The following AHNAK2 variants were observed in gnomAD, a reference collection of about 807,000 sequenced individuals.
The protein encoded by AHNAK2 is AHNAK nucleoprotein 2, also known as protein AHNAK2.
Under a neutral mutation model 30.7 loss-of-function variants are expected in AHNAK2, and 18 were observed. The observed-to-expected ratio is 0.59, with a 90% CI of 0.41 to 0.87. The LOEUF (loss-of-function observed/expected upper bound fraction) is 0.87, where lower values mean the gene tolerates loss of function less well. Among genes scored for constraint, AHNAK2 ranks in the 40% least tolerant of loss-of-function variants. The pLI is 0.00. For synonymous variants in AHNAK2, 3,590 were observed against 3,073.8 expected (o/e 1.17, Z -5.56); for missense variants, 8,604 against 7,373.0 (o/e 1.17, Z -6.11).
chr14:104,945,039 C>T lies in AHNAK2; in HGVS notation c.10412G>A (p.Ser3471Asn). ...LAEKDVTAKD[S>N]KFKMPKFKMP... The stretch of plus-strand genomic sequence containing the variant: ...CTTGAACTTGGGCATTTTGAACTTG[C>T]TGTCTTTGGCAGTCACATCCTTTTC... Residue 3471 changes from serine (S) to asparagine (N), a missense_variant, in exon 7 of 7, where the codon AGC becomes AAC. Transcript: ENST00000333244. 2 of 1,613,394 alleles carry T rather than the reference C, an allele frequency of 1.2e-6. No homozygotes were observed. Among genetic ancestry groups the T allele is most frequent in the Non-Finnish European group, 1.7e-6 (2 of 1,179,742 alleles).
rs1304839016 is a variant in AHNAK2, at chr14:104,948,711, G to A, written c.6740C>T (p.Pro2247Leu). 2 of 1,610,986 alleles carry A rather than the reference G, an allele frequency of 1.2e-6. No individual in the cohort carries two copies. Among genetic ancestry groups the A allele is most frequent in the South Asian group, 2.2e-5 (2 of 91,012 alleles). Residue 2247 changes from proline to leucine, a missense_variant, in exon 7 of 7, where the codon CCC (proline) becomes CTC (leucine). Coordinates refer to ENST00000333244, the MANE Select transcript of AHNAK2 (RefSeq NM_138420.4). ...PKLQMPSFKVPKVDLKGPEID... is the reference protein window; with the variant it reads ...PKLQMPSFKVLKVDLKGPEID... Reference sequence around the variant, plus strand: ...TTCGGGGCCCTTGAGGTCCACTTTGGGCACCTTGAAACTGGGCATCTGCAG... The same window carrying A: ...TTCGGGGCCCTTGAGGTCCACTTTGAGCACCTTGAAACTGGGCATCTGCAG...
At position 104,948,430 on chromosome 14, in the gene AHNAK2, C is replaced by G. The variant is rs763764933; in HGVS notation, c.7021G>C (p.Ala2341Pro). Reference protein sequence around the residue: ...SALGKSIEASADVSALKVEAD... With the variant: ...SALGKSIEASPDVSALKVEAD... ...TCCACCTTCAACGCAGACACATCCG[C>G]TGAGGCCTCGATGGACTTGCCAAGG... The change falls in exon 7 of 7, where the codon GCG (alanine) becomes CCG (proline). Residue 2341 changes from alanine (A) to proline (P), a missense_variant. Transcript: ENST00000333244. The G allele has an allele frequency of 6.2e-7, 1 of 1,611,276 alleles. No homozygotes were observed. Among genetic ancestry groups the G allele is most frequent in the South Asian group, 1.1e-5 (1 of 91,042 alleles).
rs1898805025 is a variant in AHNAK2 at position 104,952,704 on chromosome 14, A to G, written c.2747T>C (p.Leu916Pro). 2 of 1,612,894 alleles carry G rather than the reference A, an allele frequency of 1.2e-6. No homozygotes were observed. Among genetic ancestry groups the G allele is most frequent in the Non-Finnish European group, 1.7e-6 (2 of 1,179,636 alleles). ...GAAACTGGGCATCTCCACTTTGGGCAGGTGCACTTTGGGGCCGGCTCCCTC... is the reference window on the plus strand; with the variant it reads ...GAAACTGGGCATCTCCACTTTGGGCGGGTGCACTTTGGGGCCGGCTCCCTC... ...VPEGAGPKVH[L>P]PKVEMPSFKM... The change falls in exon 7 of 7, where the codon CTG (leucine) becomes CCG (proline). Residue 916 changes from leucine (L) to proline (P), a missense_variant. Physicochemically the swap from Leu to Pro is moderately conservative, Grantham distance 98. Transcript: ENST00000333244.
rs60880494 is a variant in AHNAK2 at position 104,950,438 on chromosome 14, C to A, written c.5013G>T (p.Ser1671=). ...PKFKMPSFGV[S]APGKSIEASV... is the part of the protein sequence containing the mutation. ...AGGCCTCGATGGACTTGCCTGGGGC[C>A]GACACCCCAAATGATGGCATCTTGA... The change falls in exon 7 of 7, where the codon TCG becomes TCT. Residue 1671 remains serine, a synonymous_variant. Transcript: ENST00000333244. 6,612 of 1,575,128 alleles carry A rather than the reference C, an allele frequency of 4.2e-3. 688 individuals carry two copies. The highest frequency in any genetic ancestry group is 0.038 in the African/African-American group (2,685 of 70,646).
In AHNAK2 at chr14:104,949,363, C is replaced by T. The variant is rs770288302; in HGVS notation, c.6088G>A (p.Asp2030Asn). 30 of 1,575,546 alleles carry T rather than the reference C, an allele frequency of 1.9e-5. 5 individuals are homozygous for T. In the South Asian group the frequency reaches 2.9e-4, roughly 15 times the overall value. The change falls in exon 7 of 7, where the codon GAC (aspartate) becomes AAC (asparagine). Residue 2030 changes from aspartate to asparagine, a missense_variant. By Grantham distance (23) the Asp-to-Asn change is conservative (BLOSUM62 1). Transcript: ENST00000333244. Reference protein sequence around the residue: ...ADVSLPSMQGDLKTTDLSIQP... With the variant: ...ADVSLPSMQGNLKTTDLSIQP... The stretch of plus-strand genomic sequence containing the variant: ...ATGCTGAGGTCAGTGGTCTTCAGGT[C>T]CCCCTGCATGGAGGGGAGACTCACG...
Position 104,945,375 on chromosome 14 carries a change from T to C in AHNAK2, c.10076A>G (p.Gln3359Arg). ...GACCTCCAGGTCCACAGAAGGGAGC[T>C]GAATGCTGAGGTCAGTGGTCTTGAG... is the stretch of plus-strand genomic sequence containing the variant. ...GDLKTTDLSI[Q>R]LPSVDLEVQA... is the part of the protein sequence containing the mutation. The change falls in exon 7 of 7, where the codon CAG (glutamine) becomes CGG (arginine). Residue 3359 changes from glutamine to arginine, a missense_variant. Coordinates refer to ENST00000333244, the MANE Select transcript of AHNAK2 (RefSeq NM_138420.4). 1.2e-6 allele frequency: 2 copies of C among 1,612,532 alleles called. No individual in the cohort carries two copies. Among genetic ancestry groups the C allele is most frequent in the Non-Finnish European group, 1.7e-6 (2 of 1,179,482 alleles).
At position 104,948,617 on chromosome 14, in the gene AHNAK2, C is replaced by T. The variant is rs1430066084; in HGVS notation, c.6834G>A (p.Glu2278=). ...CCACCTCCACGCTGGGCAGAGACAC[C>T]TCCACATCAGGGGCTGTCACTTCCA... ...PKVEVTAPDV[E]VSLPSVEVDV... Residue 2278 remains glutamate, a synonymous_variant, in exon 7 of 7, where the codon GAG becomes GAA. Transcript: ENST00000333244. 4 of 1,612,614 alleles carry T rather than the reference C, an allele frequency of 2.5e-6. 1 individual carries two copies. In the African/African-American group the frequency reaches 4.1e-5, roughly 16 times the overall value.
At position 104,945,553 on chromosome 14, in the gene AHNAK2, C is replaced by T. The variant is rs982344043; in HGVS notation, c.9898G>A (p.Asp3300Asn). 1.2e-6 allele frequency: 2 copies of T among 1,611,546 alleles called. No homozygotes were observed. The highest frequency in any genetic ancestry group is 1.3e-5 in the African/African-American group (1 of 74,388). ...AACTTGCTGTCTTTGGCAGTCACAT[C>T]CTTGTCGGCCAGGGACAGGTCCCCC... ...LEGDLSLADK[D>N]VTAKDSKFKM... Residue 3300 changes from aspartate to asparagine, a missense_variant, in exon 7 of 7, where the codon GAT (aspartate) becomes AAT (asparagine). By Grantham distance (23) the Asp-to-Asn change is conservative. Coordinates refer to ENST00000333244, the MANE Select transcript of AHNAK2 (RefSeq NM_138420.4).
At chr14:104,956,005 T>C (rs746997315) in intron 4 of AHNAK2, among the ~76,000 whole-genome samples, 2 of 152,218 alleles carry the variant, frequency 1.3e-5, no homozygotes, top group Non-Finnish European at 2.9e-5. Context: ...GCACCAGTTG[T>C]GTGCAAGGCA....
intron 1 of AHNAK2, among the ~76,000 whole-genome samples, chr14:104,971,643 C>T (rs539935634): frequency 1.3e-5 from 2 of 152,190 alleles, no homozygotes; most frequent in Non-Finnish European, 1.5e-5. Context: ...CCAAGTCCCC[C>T]ACTATCCAGA....
chr14:104,952,857 G>T lies in AHNAK2; in HGVS notation c.2594C>A (p.Ala865Asp). ...CTGCATGGAGGAGAGGCTCACGTCG[G>T]CCTCCACCTTCGGCGCAGACACATC... ...SVDVSAPKVE[A>D]DVSLSSMQGD... Residue 865 changes from alanine (A) to aspartate (D), a missense_variant, in exon 7 of 7, where the codon GCC (alanine) becomes GAC (aspartate). Transcript: ENST00000333244. The T allele has an allele frequency of 2.5e-6, 4 of 1,612,594 alleles. No homozygotes were observed. The highest frequency in any genetic ancestry group is 2.5e-6 in the Non-Finnish European group (3 of 1,179,590).
rs1408078974 is a variant in AHNAK2, at chr14:104,946,349, T to C, written c.9102A>G (p.Gln3034=). ...TDISIEPPSA[Q]LEVQAGQVDL... is the part of the protein sequence containing the mutation. ...CCACCTGGCCAGCCTGGACCTCCAG[T>C]TGGGCAGAGGGGGGCTCAATGCTGA... The change falls in exon 7 of 7, where the codon CAA becomes CAG. Residue 3034 remains glutamine (Q), a synonymous_variant. Coordinates refer to ENST00000333244, the MANE Select transcript of AHNAK2 (RefSeq NM_138420.4). 1.9e-6 allele frequency: 3 copies of C among 1,611,234 alleles called. No homozygotes were observed. Among genetic ancestry groups the C allele is most frequent in the Admixed American group, 1.7e-5 (1 of 59,798 alleles).
chr14:104,966,850 A>G lies in AHNAK2; in HGVS notation c.56-9178T>C, dbSNP rs974986355. ...GCTAAGCCAAGGGCAATGGCAGGTA[A>G]GCCACTCTCTGGCCTCAGTTTCCCT... On this transcript the variant is annotated intron_variant, in intron 1 of 6. Transcript: ENST00000333244. This position sits in a 1 kb window ranked among gnomAD's most constrained non-coding sequence, Gnocchi z 4.3. 2.6e-5 allele frequency among the ~76,000 whole-genome samples: 4 copies of G among 152,244 alleles called. No individual in the cohort carries two copies. The highest frequency in any genetic ancestry group is 9.6e-5 in the African/African-American group (4 of 41,464).
chr14:104,942,862 C>T lies in AHNAK2; in HGVS notation c.12589G>A (p.Val4197Met). 2 of 1,612,856 alleles carry T rather than the reference C, an allele frequency of 1.2e-6. No individual in the cohort carries two copies. Among genetic ancestry groups the T allele is most frequent in the South Asian group, 1.1e-5 (1 of 91,022 alleles). The change falls in exon 7 of 7, where the codon GTG (valine) becomes ATG (methionine). Residue 4197 changes from valine to methionine, a missense_variant. By Grantham distance (21) the Val-to-Met change is conservative (BLOSUM62 1). Transcript: ENST00000333244. ...SADLEVQAGQVDVKLPEGPLP... is the reference protein window; with the variant it reads ...SADLEVQAGQMDVKLPEGPLP... ...GGGCCCTCCGGGAGTTTCACGTCCA[C>T]TTGGCCAGCCTGGACCTCCAGGTCG...
In AHNAK2 at chr14:104,945,722, G is replaced by A; in HGVS notation, c.9729C>T (p.Gly3243=). ...TGGGGCCCTTGATGTCTATCTGGGG[G>A]CCCTTGCGATCTACTTTGGGCATCT... ...SFKMPKVDRK[G]PQIDIKGPKL... Residue 3243 remains glycine, a synonymous_variant, in exon 7 of 7, where the codon GGC becomes GGT. Transcript: ENST00000333244. The A allele has an allele frequency of 6.2e-7, 1 of 1,600,286 alleles. No homozygotes were observed. Among genetic ancestry groups the A allele is most frequent in the Non-Finnish European group, 8.5e-7 (1 of 1,172,218 alleles).
Position 104,943,676 on chromosome 14 carries a change from A to C in AHNAK2, c.11775T>G (p.Pro3925=), listed in dbSNP as rs567820974. The part of the protein sequence containing the change: ...LKDPKVEVTA[P]DVEVSLPSVE... ...CGCTGGGCAGAGAAACCTCCACATCAGGGGCTGTCACTTCCACCTTGGGGT... is the reference window on the plus strand; with the variant it reads ...CGCTGGGCAGAGAAACCTCCACATCCGGGGCTGTCACTTCCACCTTGGGGT... Residue 3925 remains proline (P), a synonymous_variant, in exon 7 of 7, where the codon CCT becomes CCG. Transcript: ENST00000333244. 2.5e-6 allele frequency: 4 copies of C among 1,612,962 alleles called. No individual in the cohort carries two copies. In the Admixed American group the frequency reaches 6.7e-5, roughly 27 times the overall value.
chr14:104,948,200 C>T lies in AHNAK2; in HGVS notation c.7251G>A (p.Lys2417=), dbSNP rs1341107927. 1.2e-6 allele frequency: 2 copies of T among 1,612,664 alleles called. No homozygotes were observed. The highest frequency in any genetic ancestry group is 1.3e-5 in the African/African-American group (1 of 74,544). ...PSFKMPKVDL[K]GPQIDVKGPK... ...GGCCCTTGACATCTATCTGGGGGCC[C>T]TTGAGATCTACTTTGGGCATCTTGA... The change falls in exon 7 of 7, where the codon AAG becomes AAA. Residue 2417 remains lysine, a synonymous_variant. Transcript: ENST00000333244.
At position 104,942,701 on chromosome 14, in the gene AHNAK2, C is replaced by T. The variant is rs768662137; in HGVS notation, c.12750G>A (p.Ala4250=). 18 of 1,613,388 alleles carry T rather than the reference C, an allele frequency of 1.1e-5. No homozygotes were observed. The East Asian group carries it at 2.2e-4, about 20-fold the overall frequency. Residue 4250 remains alanine, a synonymous_variant, in exon 7 of 7, where the codon GCG becomes GCA. Transcript: ENST00000333244. ...GPKLDLKGPK[A]DVMTPVVEVS... ...CCTCCACGACGGGGGTCATCACATC[C>T]GCCTTGGGGCCTTTCAGGTCCAGCT...
At chr14:104,958,468 T>C (rs1429136365) in intron 1 of AHNAK2, among the ~76,000 whole-genome samples, 1 of 151,984 alleles carries the variant, frequency 6.6e-6, no homozygotes, top group East Asian at 1.9e-4. Context: ...AAAAAAAGTT[T>C]GTTCAAAACA....
Sources: allele counts gnomAD v4.1 joint callset (sites outside exome capture counted in the v4.1 genomes callset), GRCh38; gene constraint gnomAD v4.1.1; non-coding constraint Gnocchi (gnomAD v3.1); transcripts MANE v1.5; gene names NCBI Gene and HGNC (gene_info 2026-07-23, HGNC 2026-07-21).